MYO5B: variants seen among roughly 807,000 people sequenced by gnomAD.
MYO5B encodes unconventional myosin-Vb.
MYO5B carries 143 observed loss-of-function variants against 229.3 expected under a neutral mutation model. The observed-to-expected ratio is 0.62, with a 90% CI of 0.54 to 0.72. The LOEUF is 0.72. MYO5B is among the 30% of genes least tolerant of loss of function. The probability of loss-of-function intolerance (pLI) is 0.00; values close to 1 mark genes in which losing one functional copy is unlikely to be tolerated. For missense variants in MYO5B, 2,321 were observed against 2,331.0 expected, an observed-to-expected ratio of 1.00 and a Z score of 0.09; for synonymous variants, 918 against 885.2, an observed-to-expected ratio of 1.04 and a Z score of -0.66.
chr18:50,137,296 G>A (rs1465366523), intron 1 of MYO5B, among the ~76,000 whole-genome samples: 1 of 152,150 alleles, frequency 6.6e-6, no homozygotes, highest in Admixed American at 6.6e-5. Context: ...CGTTATTTCA[G>A]GGCCTGCTTT....
intron 1 of MYO5B, among the ~76,000 whole-genome samples, chr18:50,141,354 A>G (rs1390292884): frequency 6.6e-6 from 1 of 152,248 alleles, no homozygotes; most frequent in Non-Finnish European, 1.5e-5. Context: ...ATAGGTATAA[A>G]TATGACTGCA....
At chr18:49,962,031 T>C (rs1380641013) in intron 12 of MYO5B, among the ~76,000 whole-genome samples, 1 of 151,948 alleles carries the variant, frequency 6.6e-6, no homozygotes, top group Non-Finnish European at 1.5e-5. Context: ...CCACCCAGGC[T>C]CCCCCAAGAG....
chr18:50,134,188 A>C (rs1023322013), intron 1 of MYO5B, among the ~76,000 whole-genome samples: 5 of 152,176 alleles, frequency 3.3e-5, no homozygotes, highest in African/African-American at 1.2e-4. Context: ...ATTATCAAAT[A>C]AATTTGTTGT....
chr18:50,186,414 G>A (rs1426183863), intron 1 of MYO5B, among the ~76,000 whole-genome samples: 1 of 152,210 alleles, frequency 6.6e-6, no homozygotes, highest in East Asian at 1.9e-4. Context: ...TTCCTTTAAA[G>A]CTATAATAAG....
chr18:50,174,882 T>C (rs2032973510), intron 1 of MYO5B, among the ~76,000 whole-genome samples: 1 of 152,176 alleles, frequency 6.6e-6, no homozygotes, highest in Non-Finnish European at 1.5e-5. Flanking sequence ...GCCTCAGACA[T>C]CAGGCCCTGT....
chr18:50,023,327 G>A (rs2026297074), intron 4 of MYO5B, among the ~76,000 whole-genome samples: 1 of 152,166 alleles, frequency 6.6e-6, no homozygotes, highest in African/African-American at 2.4e-5. Context: ...TTGAACTGCA[G>A]TGGGCCCACA....
chr18:49,917,384 C>T (rs1490082098), intron 17 of MYO5B, among the ~76,000 whole-genome samples: 1 of 151,870 alleles, frequency 6.6e-6, no homozygotes, highest in Non-Finnish European at 1.5e-5. Flanking sequence ...TGGGACAGTC[C>T]TAACACCATG....
chr18:49,871,861 G>A (rs2024459561), intron 27 of MYO5B, among the ~76,000 whole-genome samples: 1 of 152,206 alleles, frequency 6.6e-6, no homozygotes, highest in African/African-American at 2.4e-5. Flanking sequence ...GGACACACTG[G>A]CAGATCCCTC....
In MYO5B at chr18:49,843,343, G is replaced by T. The variant is rs767708503; in HGVS notation, c.4509C>A (p.Tyr1503Ter). The T allele has an allele frequency of 6.2e-7, 1 of 1,614,208 alleles. No individual in the cohort carries two copies. The highest frequency in any genetic ancestry group is 2.2e-5 in the East Asian group (1 of 44,880). Residue 1503 changes from tyrosine to a stop codon, truncating the protein, a stop_gained, in exon 34 of 40, where the codon TAC (tyrosine) becomes TAA (stop). Transcript: ENST00000285039. LOFTEE classifies it high-confidence loss of function. Reference protein sequence around the residue: ...LSGTVPCLPAYILYMCIRHAD... With the variant: ...LSGTVPCLPA The stretch of plus-strand genomic sequence containing the variant: ...CGTGCCGGATGCACATGTAGAGGAT[G>T]TAGGCGGGGAGACAGGGCACTGTGC...
chr18:50,029,082 TTAAA>T (rs1447703410), intron 4 of MYO5B, among the ~76,000 whole-genome samples: 6 of 152,234 alleles, frequency 3.9e-5, no homozygotes, highest in Non-Finnish European at 8.8e-5. Context: ...CACTGCACAC[TTAAA>T]TAACTTTCCC....
At chr18:50,175,842 G>A (rs1281376269) in intron 1 of MYO5B, among the ~76,000 whole-genome samples, 1 of 152,222 alleles carries the variant, frequency 6.6e-6, no homozygotes, top group African/African-American at 2.4e-5. Flanking sequence ...ACCACGGAGG[G>A]GTTGAGGGGT....
chr18:49,872,124 G>T (rs1164761786), intron 27 of MYO5B, 43 bp downstream of exon 27: 3 of 1,590,694 alleles, frequency 1.9e-6, no homozygotes, highest in Non-Finnish European at 1.7e-6. Context: ...TCTGCCCTCT[G>T]CCAGGGGAGT....
At chr18:49,989,926 C>A (rs1381895849) in intron 7 of MYO5B, among the ~76,000 whole-genome samples, 2 of 152,234 alleles carry the variant, frequency 1.3e-5, no homozygotes. Flanking sequence ...CAGAGTCTCA[C>A]ATGCCAGAGC....
At chr18:50,152,055 C>G (rs1277237785) in intron 1 of MYO5B, among the ~76,000 whole-genome samples, 4 of 152,194 alleles carry the variant, frequency 2.6e-5, no homozygotes, top group Non-Finnish European at 5.9e-5. Flanking sequence ...ATTACGTAAA[C>G]AAGAGTGCTG....
intron 4 of MYO5B, among the ~76,000 whole-genome samples, chr18:50,026,309 AAACT>A (rs2026330414): frequency 0.011 from 1 of 94 alleles, no homozygotes; most frequent in Admixed American, 0.1. Flanking sequence ...CAGTGTCTGT[AAACT>A]GTAAAAGGGC....
intron 1 of MYO5B, among the ~76,000 whole-genome samples, chr18:50,148,862 G>C (rs1568125070): frequency 6.6e-6 from 1 of 152,114 alleles, no homozygotes. Context: ...GGAAATAAAG[G>C]GTATTCAATT....
chr18:49,916,053 T>C (rs2025010846), intron 17 of MYO5B, among the ~76,000 whole-genome samples: 1 of 152,200 alleles, frequency 6.6e-6, no homozygotes, highest in Non-Finnish European at 1.5e-5. Context: ...GGGCTCCCCC[T>C]TTAAAGCTGC....
At chr18:49,939,116 G>A (rs1290196220) in intron 14 of MYO5B, among the ~76,000 whole-genome samples, 1 of 151,240 alleles carries the variant, frequency 6.6e-6, no homozygotes, top group African/African-American at 2.4e-5. Flanking sequence ...TTTTACTAGG[G>A]GTTATATACA....
intron 22 of MYO5B, among the ~76,000 whole-genome samples, chr18:49,890,219 G>C (rs1466183222): frequency 6.6e-6 from 1 of 152,212 alleles, no homozygotes; most frequent in Non-Finnish European, 1.5e-5. Context: ...ACAAACTTCT[G>C]CAGCCAAATG....
Sources: gnomAD v4.1 joint callset for allele counts (sites outside exome capture counted in the v4.1 genomes callset) on GRCh38, gnomAD v4.1.1 for gene constraint, MANE v1.5 for transcripts, NCBI Gene and HGNC (gene_info 2026-07-23, HGNC 2026-07-21) for gene names.